CETP: variants seen among roughly 807,000 people sequenced by gnomAD.
The protein encoded by CETP is cholesteryl ester transfer protein.
Under a neutral mutation model 66.5 loss-of-function variants are expected in CETP, and 56 were observed. That is an observed-to-expected ratio of 0.84 (90% CI 0.68 to 1.05). CETP has a LOEUF of 1.05. Ranked by LOEUF, CETP falls within the 50% of genes least tolerant of loss-of-function variation. CETP has a pLI of 0.00. For missense variants in CETP, 612 were observed against 609.6 expected (o/e 1.00, Z -0.04); for synonymous variants, 251 against 245.7 (o/e 1.02, Z -0.20).
rs566143469 is a variant in CETP at position 56,976,475 on chromosome 16, CT to C, written c.981+1338del. ...TCTAGAAATTTCTTTTCTTTTCTTTCTTTTTTTTTTTTTTAAGACAGAGTCT... is the reference window on the plus strand; with the variant it reads ...TCTAGAAATTTCTTTTCTTTTCTTTCTTTTTTTTTTTTTAAGACAGAGTCT... On this transcript the variant is annotated intron_variant, in intron 10 of 15. Coordinates refer to ENST00000200676, the MANE Select transcript of CETP (RefSeq NM_000078.3). Among the ~76,000 whole-genome samples the C allele has an allele frequency of 4.8e-3, 687 of 143,382 alleles. 2 individuals carry two copies. The highest frequency in any genetic ancestry group is 6.8e-3 in the Admixed American group (98 of 14,322). 94.1% of individuals were successfully genotyped at this position (143,382 alleles called of 152,430 possible).
chr16:56,971,967 C>T (rs546462758), intron 7 of CETP, 25 bp from the exon 8 acceptor site: 3 of 1,605,194 alleles, frequency 1.9e-6, no homozygotes, highest in African/African-American at 1.3e-5. Flanking sequence ...TCCTGAGGCC[C>T]TGCGTTGATC....
chr16:56,969,238 G>A (rs2056089957), intron 2 of CETP, 148 bp from the exon 3 acceptor site: 1 of 1,022,904 alleles, frequency 9.8e-7, no homozygotes, highest in East Asian at 2.4e-5. Flanking sequence ...GACATGTTGG[G>A]TAACATATTT....
At chr16:56,967,252 C>T (rs2056074009) in intron 2 of CETP, among the ~76,000 whole-genome samples, 1 of 151,902 alleles carries the variant, frequency 6.6e-6, no homozygotes, top group African/African-American at 2.4e-5. Context: ...GAGGCCAAGG[C>T]AGGAGAATCA....
chr16:56,964,614 C>G (rs1382702767), intron 2 of CETP, among the ~76,000 whole-genome samples: 2 of 152,212 alleles, frequency 1.3e-5, no homozygotes, highest in African/African-American at 4.8e-5. Context: ...TCCTCCTCCT[C>G]CCCGGCCCTG....
At chr16:56,968,448 A>G (rs1352751817) in intron 2 of CETP, among the ~76,000 whole-genome samples, 3 of 152,140 alleles carry the variant, frequency 2.0e-5, no homozygotes, top group African/African-American at 7.2e-5. Flanking sequence ...CGGCCTCCCA[A>G]AGTGCTAGGA....
intron 2 of CETP, 52 bp downstream of exon 2, chr16:56,963,176 C>G (rs760643057): frequency 2.1e-6 from 3 of 1,436,178 alleles, no homozygotes; most frequent in South Asian, 2.3e-5. Flanking sequence ...GCGGGAGGAA[C>G]AGCCTGGGGC....
At chr16:56,969,245 AT>A in intron 2 of CETP, 140 bp from the exon 3 acceptor site, 1 of 1,068,824 alleles carries the variant, frequency 9.4e-7, no homozygotes, top group Non-Finnish European at 1.4e-6. Flanking sequence ...TGGGTAACAT[AT>A]TTGCAGGTTC....
intron 2 of CETP, among the ~76,000 whole-genome samples, chr16:56,968,728 TC>T (rs1426395060): frequency 2.0e-5 from 3 of 148,034 alleles, no homozygotes; most frequent in Admixed American, 6.7e-5. Flanking sequence ...TGAGTCTTCT[TC>T]TTTTTTTTTT....
intron 14 of CETP, 87 bp from the exon 15 acceptor site, chr16:56,983,239 A>G (rs2056200940): frequency 2.0e-6 from 2 of 1,023,532 alleles, no homozygotes; most frequent in Non-Finnish European, 3.1e-6. Flanking sequence ...AAAGGGTCTC[A>G]GCATCTCCCA....
chr16:56,969,355 A>G (rs2141996758), intron 2 of CETP, 31 bp from the exon 3 acceptor site: 1 of 1,612,806 alleles, frequency 6.2e-7, no homozygotes, highest in Admixed American at 1.7e-5. Flanking sequence ...GATGACCCCC[A>G]ACATCCTTCC....
rs770484789 is a variant in CETP, at chr16:56,982,193, T to A, written c.1277T>A (p.Leu426Gln). The A allele has an allele frequency of 6.2e-7, 1 of 1,614,176 alleles. No individual in the cohort carries two copies. The highest frequency in any genetic ancestry group is 8.5e-7 in the Non-Finnish European group (1 of 1,180,020). ...ESSSESVQSF[L>Q]QSMITAVGIP... ...AGCTCCGAGTCCGTCCAGAGCTTCC[T>A]GCAGTCAATGATCACCGCTGTGGGC... The change falls in exon 14 of 16, where the codon CTG becomes CAG. Residue 426 changes from leucine (L) to glutamine (Q), a missense_variant. Leu to Gln is a moderately radical substitution (Grantham distance 113). Transcript: ENST00000200676.
intron 6 of CETP, 51 bp downstream of exon 6, chr16:56,971,153 T>G (rs751537902): frequency 6.8e-5 from 108 of 1,581,154 alleles, no homozygotes; most frequent in Non-Finnish European, 9.3e-5. Flanking sequence ...CCCAGGAGGC[T>G]GGATCCCTTT....
chr16:56,964,509 C>G (rs2056051398), intron 2 of CETP, among the ~76,000 whole-genome samples: 1 of 152,238 alleles, frequency 6.6e-6, no homozygotes, highest in Admixed American at 6.5e-5. Flanking sequence ...CCTCAGGCTG[C>G]CCTGGAGCCT....
At chr16:56,970,080 C>T in intron 5 of CETP, 79 bp downstream of exon 5, 4 of 1,368,158 alleles carry the variant, frequency 2.9e-6, no homozygotes, top group Non-Finnish European at 4.1e-6. Flanking sequence ...CCAGGCTCAA[C>T]CCCACACAGG....
chr16:56,965,000 C>G (rs2056056005), intron 2 of CETP, among the ~76,000 whole-genome samples: 1 of 152,142 alleles, frequency 6.6e-6, no homozygotes, highest in Non-Finnish European at 1.5e-5. Context: ...GCAGTCCCAG[C>G]TACTCAGGAG....
intron 11 of CETP, among the ~76,000 whole-genome samples, chr16:56,980,339 C>T (rs1311126669): frequency 1.3e-5 from 2 of 152,064 alleles, no homozygotes; most frequent in Non-Finnish European, 2.9e-5. Flanking sequence ...ATGTGCACTA[C>T]CACGTATTTT....
rs747376563 is a variant in CETP, at chr16:56,969,931, G to T, written c.457G>T (p.Val153Leu). 5.6e-6 allele frequency: 9 copies of T among 1,614,038 alleles called. No homozygotes were observed. The highest frequency in any genetic ancestry group is 6.8e-6 in the Non-Finnish European group (8 of 1,180,008). The change falls in exon 5 of 16, where the codon GTG becomes TTG. Residue 153 changes from valine (V) to leucine (L), a missense_variant. Physicochemically the swap from Val to Leu is conservative, Grantham distance 32. Coordinates refer to ENST00000200676, the MANE Select transcript of CETP (RefSeq NM_000078.3). ...NTQLTCDSGR[V>L]RTDAPDCYLS... Reference sequence around the variant, plus strand: ...CCCTGCAGCCTGTGACTCTGGTAGAGTGCGGACCGATGCCCCTGACTGCTA... The same window carrying T: ...CCCTGCAGCCTGTGACTCTGGTAGATTGCGGACCGATGCCCCTGACTGCTA...
At chr16:56,981,798 G>A in intron 13 of CETP, 118 bp downstream of exon 13, 2 of 985,326 alleles carry the variant, frequency 2.0e-6, no homozygotes, top group Non-Finnish European at 1.6e-6. Flanking sequence ...TGTGGACCAG[G>A]TGGTCCATGC....
chr16:56,982,291 T>TG, intron 14 of CETP, 54 bp downstream of exon 14: 1 of 1,554,506 alleles, frequency 6.4e-7, no homozygotes, highest in Non-Finnish European at 8.9e-7. Flanking sequence ...AGCTTCCCAT[T>TG]TCACCTTGTG....
Sources: allele counts gnomAD v4.1 joint callset (sites outside exome capture counted in the v4.1 genomes callset), GRCh38; gene constraint gnomAD v4.1.1; transcripts MANE v1.5; gene names NCBI Gene and HGNC (gene_info 2026-07-23, HGNC 2026-07-21).